Variants in DPYD observed in about 807,000 individuals in gnomAD.
DPYD encodes dihydropyrimidine dehydrogenase, also known as dihydropyrimidine dehydrogenase [NADP(+)].
In DPYD, 109 loss-of-function variants were observed where a neutral mutation model predicts 116.2. That is an observed-to-expected ratio of 0.94 (90% CI 0.80 to 1.10). The LOEUF is 1.10. Ranked by LOEUF, DPYD falls within the 50% of genes least tolerant of loss-of-function variation. The pLI, the probability that DPYD is intolerant of heterozygous loss-of-function variation, is 0.00. For synonymous variants in DPYD, 440 were observed against 432.0 expected, an observed-to-expected ratio of 1.02 and a Z score of -0.23; for missense variants, 1,302 against 1,254.5, an observed-to-expected ratio of 1.04 and a Z score of -0.57.
chr1:97,495,145 A>G (rs991564712), intron 13 of DPYD, among the ~76,000 whole-genome samples: 4 of 152,134 alleles, frequency 2.6e-5, no homozygotes, highest in African/African-American at 9.7e-5. Flanking sequence ...CTTTATGGGA[A>G]GAGGTTGGTG....
intron 20 of DPYD, among the ~76,000 whole-genome samples, chr1:97,173,254 A>ATG (rs1219322010): frequency 9.4e-5 from 14 of 148,278 alleles, no homozygotes; most frequent in Non-Finnish European, 1.6e-4. Flanking sequence ...ATGTACATAT[A>ATG]TGCACACATA....
rs114501210 is a variant in DPYD, at chr1:97,243,966, T to A, written c.2300-8972A>T. Among the ~76,000 whole-genome samples the A allele has an allele frequency of 1.8e-3, 277 of 152,106 alleles. 1 individual carries two copies. The highest frequency in any genetic ancestry group is 6.3e-3 in the African/African-American group (263 of 41,558). On this transcript the variant is annotated intron_variant, in intron 18 of 22. Coordinates refer to ENST00000370192, the MANE Select transcript of DPYD (RefSeq NM_000110.4). ...GACAATTACAGAAGCAAAGTGAAATTTGTTTTAGAACCAAAACCAAATTTA... is the reference window on the plus strand; with the variant it reads ...GACAATTACAGAAGCAAAGTGAAATATGTTTTAGAACCAAAACCAAATTTA...
chr1:97,435,602 T>A (rs755016648), intron 14 of DPYD, among the ~76,000 whole-genome samples: 6 of 151,790 alleles, frequency 4.0e-5, no homozygotes, highest in Non-Finnish European at 7.4e-5. Flanking sequence ...AATTATCTAA[T>A]CAAAAATAAC....
At chr1:97,434,189 T>G (rs1408332970) in intron 14 of DPYD, among the ~76,000 whole-genome samples, 2 of 152,126 alleles carry the variant, frequency 1.3e-5, no homozygotes, top group African/African-American at 4.8e-5. Context: ...CCCTAAATTT[T>G]GCATGACTAA....
Position 97,746,682 on chromosome 1 carries a change from G to A in DPYD, c.234-6203C>T, listed in dbSNP as rs145448868. Reference sequence around the variant, plus strand: ...TGTATACATTAATAACTGCAAAGGAGTCATTGGAAGAAAATACACACATCA... The same window carrying A: ...TGTATACATTAATAACTGCAAAGGAATCATTGGAAGAAAATACACACATCA... On this transcript the variant is annotated intron_variant, in intron 3 of 22. Coordinates refer to ENST00000370192, the MANE Select transcript of DPYD (RefSeq NM_000110.4). Among the ~76,000 whole-genome samples, 164 of 152,186 alleles carry A rather than the reference G, an allele frequency of 1.1e-3. 1 individual carries two copies. Among genetic ancestry groups the A allele is most frequent in the South Asian group, 2.1e-4 (1 of 4,824 alleles).
Position 97,211,033 on chromosome 1 carries a change from G to A in DPYD, c.2443-17785C>T, listed in dbSNP as rs192309575. Among the ~76,000 whole-genome samples the A allele has an allele frequency of 2.7e-3, 417 of 152,124 alleles. 2 individuals carry two copies. The highest frequency in any genetic ancestry group is 4.8e-3 in the Non-Finnish European group (328 of 67,988). On this transcript the variant is annotated intron_variant, in intron 19 of 22. Transcript: ENST00000370192. ...ACCCTCCTAAATTAATTATCTACAC[G>A]ACAGCTAAGATGATTATTTAAAAAT...
intron 7 of DPYD, among the ~76,000 whole-genome samples, chr1:97,689,037 G>C (rs1229825324): frequency 6.8e-6 from 1 of 147,484 alleles, no homozygotes; most frequent in Non-Finnish European, 1.5e-5. Context: ...CCATTTCAGA[G>C]ACAAGAAAAA....
At chr1:97,474,980 C>T (rs1677873568) in intron 13 of DPYD, among the ~76,000 whole-genome samples, 3 of 151,900 alleles carry the variant, frequency 2.0e-5, no homozygotes, top group South Asian at 2.1e-4. Context: ...AAGAAGAACA[C>T]AGGTCAATAA....
At chr1:97,603,127 A>T (rs1442888256) in intron 8 of DPYD, among the ~76,000 whole-genome samples, 2 of 151,954 alleles carry the variant, frequency 1.3e-5, no homozygotes, top group Non-Finnish European at 2.9e-5. Flanking sequence ...CGCATTGTGA[A>T]GTAAGGGTAA....
intron 18 of DPYD, among the ~76,000 whole-genome samples, chr1:97,257,702 C>T (rs1256986993): frequency 6.6e-6 from 1 of 151,844 alleles, no homozygotes; most frequent in African/African-American, 2.4e-5. Flanking sequence ...TTAAACTAGA[C>T]ATTAAAAACC....
intron 18 of DPYD, among the ~76,000 whole-genome samples, chr1:97,279,284 A>G (rs866418661): frequency 1.3e-5 from 2 of 152,234 alleles, no homozygotes; most frequent in South Asian, 4.1e-4. Flanking sequence ...TAAAATGATA[A>G]CTGACTTAGT....
intron 18 of DPYD, among the ~76,000 whole-genome samples, chr1:97,274,016 G>T (rs1359515380): frequency 6.6e-6 from 1 of 152,086 alleles, no homozygotes; most frequent in Non-Finnish European, 1.5e-5. Flanking sequence ...TATCATCACA[G>T]CCTGTGAATT....
At position 97,530,070 on chromosome 1, in the gene DPYD, T is replaced by C. The variant is rs533684490; in HGVS notation, c.1525-14129A>G. Among the ~76,000 whole-genome samples the C allele has an allele frequency of 2.0e-5, 3 of 152,256 alleles. No homozygotes were observed. The East Asian group carries it at 5.8e-4, about 29-fold the overall frequency. ...TAGATGCCTCATATAGAGGGAATCA[T>C]GCAGTATGTGTCCTTCTGTGATGGC... On this transcript the variant is annotated intron_variant, in intron 12 of 22. Transcript: ENST00000370192.
intron 3 of DPYD, among the ~76,000 whole-genome samples, chr1:97,803,059 T>C (rs1667920363): frequency 6.6e-6 from 1 of 151,938 alleles, no homozygotes; most frequent in African/African-American, 2.4e-5. Context: ...AGGTATGAAA[T>C]TATTACAATG....
chr1:97,755,432 A>G (rs761477454), intron 3 of DPYD, among the ~76,000 whole-genome samples: 18 of 152,070 alleles, frequency 1.2e-4, no homozygotes, highest in Non-Finnish European at 2.4e-4. Flanking sequence ...TTTCCCTACT[A>G]TCTATCTGTA....
chr1:97,553,663 T>A (rs1651485025), intron 11 of DPYD, among the ~76,000 whole-genome samples: 1 of 152,084 alleles, frequency 6.6e-6, no homozygotes. Flanking sequence ...ATTGTATTAT[T>A]CCTTTCTTGT....
At chr1:97,841,930 C>T (rs1218750415) in intron 2 of DPYD, among the ~76,000 whole-genome samples, 1 of 151,748 alleles carries the variant, frequency 6.6e-6, no homozygotes, top group Non-Finnish European at 1.5e-5. Context: ...GAGTCTGACC[C>T]ATTCTAGAAG....
intron 3 of DPYD, among the ~76,000 whole-genome samples, chr1:97,769,939 G>A (rs1666056276): frequency 6.6e-6 from 1 of 152,130 alleles, no homozygotes; most frequent in Non-Finnish European, 1.5e-5. Flanking sequence ...AAAAAACTTG[G>A]AGACTGATTT....
intron 5 of DPYD, chr1:97,700,160 T>C (rs1433866220): frequency 1.1e-5 from 5 of 451,812 alleles, no homozygotes; most frequent in African/African-American, 1.0e-4. Context: ...CAGAAGTCAC[T>C]TTTCCCCTGA....
Sources: gnomAD v4.1 joint callset for allele counts (sites outside exome capture counted in the v4.1 genomes callset) on GRCh38, gnomAD v4.1.1 for gene constraint, MANE v1.5 for transcripts, NCBI Gene and HGNC (gene_info 2026-07-23, HGNC 2026-07-21) for gene names.